PRH1: variants seen among roughly 807,000 people sequenced by gnomAD.
PRH1 encodes salivary acidic proline-rich phosphoprotein 1/2.
A neutral mutation model predicts 7.9 loss-of-function variants in PRH1; 7 were observed. The observed-to-expected ratio is 0.89, with a 90% confidence interval of 0.50 to 1.67. PRH1 has a LOEUF of 1.67. Among genes scored for constraint, PRH1 ranks in the 40% most tolerant of loss-of-function variants. The pLI is 0.00. For synonymous variants in PRH1, 45 were observed against 80.8 expected (o/e 0.56, Z 2.38); for missense variants, 109 against 223.6 (o/e 0.49, Z 3.27).
rs1047506067 is a variant in PRH1, at chr12:11,020,067, T to C, written c.-126+26953A>G. Reference sequence around the variant, plus strand: ...TATTACAGTGATATTTCCCCTAGAATTGTGGACTAGCCAAACTTTTGCTCT... The same window carrying C: ...TATTACAGTGATATTTCCCCTAGAACTGTGGACTAGCCAAACTTTTGCTCT... On this transcript the variant is annotated intron_variant, in intron 1 of 3. Coordinates refer to the PRH1 transcript ENST00000539853. Among the ~76,000 whole-genome samples, 7 of 152,394 alleles carry C rather than the reference T, an allele frequency of 4.6e-5. No homozygotes were observed. In the East Asian group the frequency reaches 1.2e-3, roughly 25 times the overall value.
At chr12:11,101,967 C>A (rs1211768723) in intron 1 of PRH1, among the ~76,000 whole-genome samples, 2 of 151,598 alleles carry the variant, frequency 1.3e-5, no homozygotes, top group African/African-American at 2.4e-5. Flanking sequence ...GAATAAAATA[C>A]CTAAGAATCC....
At chr12:10,882,746 C>T (rs372528863) in intron 2 of PRH1, 48 bp from the exon 3 acceptor site, 2 of 1,599,564 alleles carry the variant, frequency 1.3e-6, no homozygotes, top group East Asian at 2.2e-5. Context: ...GGAAAACCCT[C>T]CTGTCTTCAT....
intron 1 of PRH1, among the ~76,000 whole-genome samples, chr12:11,028,673 TA>T (rs1303269012): frequency 1.3e-5 from 2 of 152,144 alleles, no homozygotes; most frequent in Non-Finnish European, 2.9e-5. Context: ...TAGAAAAAAA[TA>T]CATATTCAAA....
intron 1 of PRH1, among the ~76,000 whole-genome samples, chr12:10,976,358 A>C (rs1036670828): frequency 2.0e-5 from 3 of 152,212 alleles, no homozygotes; most frequent in African/African-American, 7.2e-5. Context: ...AAACCAAGAA[A>C]TTCTTTGAAA....
intron 2 of PRH1, among the ~76,000 whole-genome samples, chr12:10,890,314 T>C (rs1352248563): frequency 6.6e-6 from 1 of 152,078 alleles, no homozygotes; most frequent in African/African-American, 2.4e-5. Flanking sequence ...TACATACAGA[T>C]ATAAAGACAA....
chr12:10,963,954 T>C (rs1349869676), intron 2 of PRH1, among the ~76,000 whole-genome samples: 2 of 151,710 alleles, frequency 1.3e-5, no homozygotes, highest in Non-Finnish European at 2.9e-5. Context: ...GCGCATACCA[T>C]CCAAAAAACT....
At chr12:10,967,981 T>C (rs1276068069) in intron 2 of PRH1, among the ~76,000 whole-genome samples, 1 of 152,216 alleles carries the variant, frequency 6.6e-6, no homozygotes, top group Non-Finnish European at 1.5e-5. Context: ...CTCAGGAGGC[T>C]GAGGCAGGAG....
At chr12:10,902,324 A>T (rs1196346854) in intron 2 of PRH1, among the ~76,000 whole-genome samples, 1 of 152,180 alleles carries the variant, frequency 6.6e-6, no homozygotes, top group Non-Finnish European at 1.5e-5. Context: ...AAAAATTAAA[A>T]ATAATTTAAA....
chr12:11,152,192 A>G (rs936172721), intron 1 of PRH1, among the ~76,000 whole-genome samples: 1 of 150,040 alleles, frequency 6.7e-6, no homozygotes. Flanking sequence ...TTAACTCGTC[A>G]TTTAGCATTA....
chr12:10,883,226 C>T (rs1949436700), intron 1 of PRH1, 130 bp from the exon 2 acceptor site: 3 of 1,033,356 alleles, frequency 2.9e-6, no homozygotes, highest in Non-Finnish European at 4.4e-6. Context: ...CAGCCACTCT[C>T]TGATGCTACT....
intron 1 of PRH1, among the ~76,000 whole-genome samples, chr12:11,071,782 T>G (rs75302067): frequency 6.6e-6 from 1 of 151,786 alleles, no homozygotes; most frequent in Non-Finnish European, 1.5e-5. Context: ...GTGTATGTTA[T>G]TCCTCTGTCA....
chr12:10,944,323 T>A (rs1950451161), intron 2 of PRH1, among the ~76,000 whole-genome samples: 1 of 152,166 alleles, frequency 6.6e-6, no homozygotes. Flanking sequence ...CCTAGGTATT[T>A]TTTGTGTGTG....
chr12:11,143,820 G>A (rs538533929), intron 1 of PRH1, among the ~76,000 whole-genome samples: 5 of 152,272 alleles, frequency 3.3e-5, no homozygotes, highest in Admixed American at 6.5e-5. Context: ...GAGCTCCCAC[G>A]TATATAAGTC....
intron 2 of PRH1, among the ~76,000 whole-genome samples, chr12:10,914,991 G>A (rs989096440): frequency 2.0e-5 from 3 of 152,170 alleles, no homozygotes; most frequent in African/African-American, 7.2e-5. Flanking sequence ...AGCCTGGCAT[G>A]GTGGCGGGCA....
chr12:11,055,638 G>A (rs181473615), intron 1 of PRH1, among the ~76,000 whole-genome samples: 27 of 152,286 alleles, frequency 1.8e-4, no homozygotes, highest in Non-Finnish European at 3.7e-4. Context: ...TGATGTTGAA[G>A]TAAAAGCTGA....
intron 2 of PRH1, among the ~76,000 whole-genome samples, chr12:10,891,105 G>C (rs142846023): frequency 0.017 from 2,646 of 152,228 alleles, 71 homozygotes; most frequent in African/African-American, 0.061. Flanking sequence ...CTCAGGCCCA[G>C]CCCGAATCCC....
chr12:11,140,195 C>A, intron 1 of PRH1, among the ~76,000 whole-genome samples: 1 of 151,540 alleles, frequency 6.6e-6, no homozygotes, highest in East Asian at 1.9e-4. Context: ...ATCATTATGC[C>A]AAAGGACTTT....
chr12:11,059,764 T>C (rs201173860), intron 1 of PRH1, among the ~76,000 whole-genome samples: 30 of 132,844 alleles, frequency 2.3e-4, no homozygotes, highest in South Asian at 7.3e-4. Context: ...CCTGTAACCT[T>C]AACCTGAGAA....
chr12:11,034,102 ACG>A (rs1226232546), intron 1 of PRH1, among the ~76,000 whole-genome samples: 28 of 61,874 alleles, frequency 4.5e-4, no homozygotes, highest in Admixed American at 7.1e-4. Flanking sequence ...CCTACTTTGA[ACG>A]CTGTATAGGT....
Sources: allele counts gnomAD v4.1 joint callset (sites outside exome capture counted in the v4.1 genomes callset), GRCh38; gene constraint gnomAD v4.1.1; transcripts MANE v1.5; gene names NCBI Gene and HGNC (gene_info 2026-07-23, HGNC 2026-07-21).